MYO3A: variants seen among roughly 807,000 people sequenced by gnomAD.
MYO3A encodes the protein myosin IIIA.
MYO3A carries 180 observed loss-of-function variants against 192.7 expected under a neutral mutation model. That is an observed-to-expected ratio of 0.93 (90% confidence interval 0.83 to 1.06). The LOEUF is 1.06. Among genes scored for constraint, MYO3A ranks in the 50% least tolerant of loss-of-function variants. The pLI is 0.00. For missense variants in MYO3A, 1,896 were observed against 1,905.0 expected (o/e 1.00, Z 0.09); for synonymous variants, 628 against 645.3 (o/e 0.97, Z 0.41).
intron 15 of MYO3A, among the ~76,000 whole-genome samples, chr10:26,095,504 A>T (rs545934442): frequency 6.6e-6 from 1 of 152,160 alleles, no homozygotes; most frequent in Non-Finnish European, 1.5e-5. Context: ...GCAGGGAAGT[A>T]GAGATGGGGA....
Position 26,157,366 on chromosome 10 carries a change from TTGC to T in MYO3A, c.2851_2853del (p.Cys951del). 1 of 1,614,130 alleles carries T rather than the reference TTGC, an allele frequency of 6.2e-7. No homozygotes were observed. The highest frequency in any genetic ancestry group is 8.5e-7 in the Non-Finnish European group (1 of 1,180,010). On this transcript the variant is annotated inframe_deletion, in exon 26 of 35. Coordinates refer to ENST00000642920, the MANE Select transcript of MYO3A (RefSeq NM_017433.5). ...TGGTGGGCCAACCTCATTTTGTCCG[TTGC>T]ATCAAACCAAATAGTGAGCGTCAGG...
At chr10:26,010,907 A>T (rs1841606461) in intron 6 of MYO3A, among the ~76,000 whole-genome samples, 1 of 152,198 alleles carries the variant, frequency 6.6e-6, no homozygotes, top group Non-Finnish European at 1.5e-5. Flanking sequence ...TTTGCTAGAG[A>T]TTTACAATGG....
At chr10:26,068,669 T>C in intron 11 of MYO3A, 99 bp from the exon 12 acceptor site, 1 of 772,354 alleles carries the variant, frequency 1.3e-6, no homozygotes, top group Non-Finnish European at 2.2e-6. Context: ...TAATCCTTCG[T>C]CCAGATTCCA....
chr10:25,985,552 G>C (rs899700171), intron 4 of MYO3A, among the ~76,000 whole-genome samples: 2 of 152,048 alleles, frequency 1.3e-5, no homozygotes. Flanking sequence ...ATTATTCAAG[G>C]ATACTATGAA....
chr10:26,113,480 A>AAC (rs1267510040), intron 17 of MYO3A, among the ~76,000 whole-genome samples: 1 of 150,828 alleles, frequency 6.6e-6, no homozygotes, highest in Non-Finnish European at 1.5e-5. Flanking sequence ...AAAAAACAAA[A>AAC]AAAAAAACAA....
chr10:25,993,454 A>G (rs1478499082), intron 4 of MYO3A, among the ~76,000 whole-genome samples: 2 of 152,032 alleles, frequency 1.3e-5, no homozygotes, highest in East Asian at 1.9e-4. Flanking sequence ...TGATTTTTTC[A>G]AAAAACCAGC....
intron 10 of MYO3A, among the ~76,000 whole-genome samples, chr10:26,049,236 C>T (rs940934007): frequency 3.3e-5 from 5 of 152,128 alleles, no homozygotes; most frequent in African/African-American, 1.2e-4. Context: ...TGTAACCTTT[C>T]CTGTATAATG....
intron 4 of MYO3A, among the ~76,000 whole-genome samples, chr10:25,995,483 C>G (rs184047175): frequency 1.3e-5 from 2 of 152,296 alleles, no homozygotes; most frequent in African/African-American, 4.8e-5. Context: ...GTTTGATCCT[C>G]TGTAGCCTTC....
At chr10:26,006,243 G>A (rs1459883445) in intron 6 of MYO3A, among the ~76,000 whole-genome samples, 2 of 151,780 alleles carry the variant, frequency 1.3e-5, no homozygotes, top group African/African-American at 4.8e-5. Context: ...TGTGTAGAGG[G>A]AAATTTATAG....
intron 21 of MYO3A, 90 bp downstream of exon 21, chr10:26,143,691 A>C (rs1840297883): frequency 2.0e-6 from 3 of 1,489,758 alleles, no homozygotes; most frequent in Non-Finnish European, 2.8e-6. Flanking sequence ...AATTATCTGG[A>C]AGAAAATAGC....
intron 33 of MYO3A, among the ~76,000 whole-genome samples, chr10:26,202,085 CT>C (rs1215971679): frequency 6.6e-6 from 1 of 152,120 alleles, no homozygotes; most frequent in East Asian, 1.9e-4. Flanking sequence ...CATTATTCTC[CT>C]TTTCTTATAT....
chr10:25,944,230 G>A (rs549641535), intron 2 of MYO3A, among the ~76,000 whole-genome samples: 10 of 151,918 alleles, frequency 6.6e-5, no homozygotes, highest in African/African-American at 2.4e-4. Flanking sequence ...AATCATTTTT[G>A]TATTCCAGAA....
intron 10 of MYO3A, among the ~76,000 whole-genome samples, chr10:26,066,705 G>A (rs2131370693): frequency 6.6e-6 from 1 of 152,276 alleles, no homozygotes; most frequent in Non-Finnish European, 1.5e-5. Context: ...AAATTTAGAG[G>A]AAGCTTTAAA....
chr10:26,137,030 A>AG (rs1055552837), intron 20 of MYO3A, among the ~76,000 whole-genome samples: 5 of 73,864 alleles, frequency 6.8e-5, no homozygotes, highest in South Asian at 1.2e-3. Flanking sequence ...AAAACAAAAC[A>AG]AAAAAAAAAG....
chr10:26,154,633 T>A lies in MYO3A; in HGVS notation c.2716-113T>A, dbSNP rs1013755231. On this transcript the variant is annotated intron_variant, in intron 24 of 34. Coordinates refer to ENST00000642920, the MANE Select transcript of MYO3A (RefSeq NM_017433.5). ...GAAGAATATCAACATTTTGCTGTTT[T>A]ACATATTTGAATGCATAAACTAAGA... 4 of 911,682 alleles carry A rather than the reference T, an allele frequency of 4.4e-6. No individual in the cohort carries two copies. The African/African-American group carries it at 4.9e-5, about 11-fold the overall frequency. 56.5% of individuals were successfully genotyped at this position (911,682 alleles called of 1,614,324 possible).
intron 20 of MYO3A, among the ~76,000 whole-genome samples, chr10:26,133,869 T>C (rs1324033567): frequency 6.6e-6 from 1 of 152,226 alleles, no homozygotes; most frequent in Non-Finnish European, 1.5e-5. Flanking sequence ...GAGCATACTA[T>C]TGACAAACCA....
chr10:26,166,158 T>G lies in MYO3A; in HGVS notation c.3091T>G (p.Trp1031Gly), dbSNP rs1272294250. 8 of 1,613,450 alleles carry G rather than the reference T, an allele frequency of 5.0e-6. No homozygotes were observed. The highest frequency in any genetic ancestry group is 2.7e-5 in the African/African-American group (2 of 74,914). ...TILEKAGLDN[W>G]ALGKTKVFLK... ...TTTGGAAAAAGCTGGTCTCGATAAC[T>G]GGGCTCTTGGAAAAACAAAAGTAAT... Residue 1031 changes from tryptophan to glycine, a missense_variant, in exon 27 of 35, where the codon TGG (tryptophan) becomes GGG (glycine). By Grantham distance (184) the Trp-to-Gly change is radical (BLOSUM62 -2). Coordinates refer to ENST00000642920, the MANE Select transcript of MYO3A (RefSeq NM_017433.5).
At chr10:26,126,750 A>T (rs554647891) in intron 19 of MYO3A, among the ~76,000 whole-genome samples, 1 of 152,336 alleles carries the variant, frequency 6.6e-6, no homozygotes, top group South Asian at 2.1e-4. Context: ...GCACTAAATG[A>T]TACCTACCCA....
chr10:26,148,670 A>G (rs949130606), intron 23 of MYO3A, among the ~76,000 whole-genome samples: 7 of 152,182 alleles, frequency 4.6e-5, no homozygotes, highest in African/African-American at 1.7e-4. Flanking sequence ...AATTTCTCTC[A>G]GCAACATTTT....
Sources: gnomAD v4.1 joint callset for allele counts (sites outside exome capture counted in the v4.1 genomes callset) on GRCh38, gnomAD v4.1.1 for gene constraint, MANE v1.5 for transcripts, NCBI Gene and HGNC (gene_info 2026-07-23, HGNC 2026-07-21) for gene names.